The following KIFC2 variants were observed in gnomAD, a reference collection of about 807,000 sequenced individuals.
The protein encoded by KIFC2 is kinesin-like protein KIFC2.
In KIFC2, 94 loss-of-function variants were observed where a neutral mutation model predicts 91.5. The observed-to-expected ratio is 1.03, with a 90% CI of 0.87 to 1.22. The LOEUF (loss-of-function observed/expected upper bound fraction) is 1.22, where lower values mean the gene tolerates loss of function less well. Among genes scored for constraint, KIFC2 ranks in the 50% most tolerant of loss-of-function variants. KIFC2 has a pLI of 0.00. For synonymous variants in KIFC2, 729 were observed against 503.9 expected, an observed-to-expected ratio of 1.45 and a Z score of -5.98; for missense variants, 1,357 against 1,103.3, an observed-to-expected ratio of 1.23 and a Z score of -3.26.
Position 144,469,562 on chromosome 8 carries a change from G to A in KIFC2, c.1295G>A (p.Gly432Glu). The stretch of plus-strand genomic sequence containing the variant: ...CTTGTGAGTGTGGAGCCTGGCCCAG[G>A]GGGCACCGTCACCACCTGCTACCGG... ...SSLVSVEPGP[G>E]GTVTTCYRGR... The change falls in exon 12 of 18, where the codon GGG (glycine) becomes GAG (glutamate). Residue 432 changes from glycine to glutamate, a missense_variant. By Grantham distance (98) the Gly-to-Glu change is moderately conservative (BLOSUM62 -2). Transcript: ENST00000645548. 6.2e-7 allele frequency: 1 copy of A among 1,613,666 alleles called. No homozygotes were observed. Among genetic ancestry groups the A allele is most frequent in the Non-Finnish European group, 8.5e-7 (1 of 1,179,974 alleles).
In KIFC2 at chr8:144,473,312, C is replaced by T. The variant is rs748837513; in HGVS notation, c.2299C>T (p.Pro767Ser). Reference sequence around the variant, plus strand: ...GACCCCCTGCACCCCTACGCCGTCCCCTGGCAGTCCTCCATGCCCCAGTCC... The same window carrying T: ...GACCCCCTGCACCCCTACGCCGTCCTCTGGCAGTCCTCCATGCCCCAGTCC... ...TGTPCTPTPS[P>S]GSPPCPSPDN... The change falls in exon 18 of 18, where the codon CCT (proline) becomes TCT (serine). Residue 767 changes from proline to serine, a missense_variant. Physicochemically the swap from Pro to Ser is moderately conservative, Grantham distance 74. Transcript: ENST00000645548. The T allele has an allele frequency of 2.6e-5, 41 of 1,602,958 alleles. No homozygotes were observed. Among genetic ancestry groups the T allele is most frequent in the Non-Finnish European group, 3.2e-5 (38 of 1,176,190 alleles).
chr8:144,467,412 GA>G (rs1352119920), intron 4 of KIFC2, 71 bp downstream of exon 4: 1 of 1,544,050 alleles, frequency 6.5e-7, no homozygotes, highest in African/African-American at 1.4e-5. Flanking sequence ...GGGCGGCCTG[GA>G]GTTCGGGGTC....
Position 144,466,997 on chromosome 8 carries a change from G to C in KIFC2, c.217G>C (p.Glu73Gln). 1 of 1,597,424 alleles carries C rather than the reference G, an allele frequency of 6.3e-7. No homozygotes were observed. Reference protein sequence around the residue: ...EPEDGSEGAAEGRAAAVSLEE... With the variant: ...EPEDGSEGAAQGRAAAVSLEE... ...TGAGGATGGGTCGGAAGGCGCAGCC[G>C]AGGGCCGCGCGGCCGCGGTGTCCCT... Residue 73 changes from glutamate (E) to glutamine (Q), a missense_variant, in exon 3 of 18, where the codon GAG becomes CAG. Glu to Gln is a conservative substitution (Grantham distance 29, BLOSUM62 2). Transcript: ENST00000645548.
rs1824639299 is a variant in KIFC2, at chr8:144,466,448, A to G, written c.29A>G (p.Tyr10Cys). 5 of 1,362,818 alleles carry G rather than the reference A, an allele frequency of 3.7e-6. No homozygotes were observed. Among genetic ancestry groups the G allele is most frequent in the East Asian group, 3.4e-5 (1 of 29,396 alleles). The allele number at this position is 1,362,818 out of a possible 1,614,324, so 84.4% of individuals were successfully genotyped here. MYAFYSLLI[Y>C]IFYSLFRRDG... ...TACGCCTTTTACTCGTTGCTCATCTACATCTTCTACAGCCTCTTCCGCAGG... is the reference window on the plus strand; with the variant it reads ...TACGCCTTTTACTCGTTGCTCATCTGCATCTTCTACAGCCTCTTCCGCAGG... The change falls in exon 1 of 18, where the codon TAC (tyrosine) becomes TGC (cysteine). Residue 10 changes from tyrosine (Y) to cysteine (C), a missense_variant. Coordinates refer to ENST00000645548, the MANE Select transcript of KIFC2 (RefSeq NM_001369769.2).
Position 144,467,934 on chromosome 8 carries a change from A to C in KIFC2, c.757A>C (p.Met253Leu), listed in dbSNP as rs775189259. Residue 253 changes from methionine to leucine, a missense_variant, in exon 7 of 18, where the codon ATG becomes CTG. Coordinates refer to ENST00000645548, the MANE Select transcript of KIFC2 (RefSeq NM_001369769.2). ...GGCCCTGAAGCAGAGCCTGAGTCTC[A>C]TGCGGGACCTCCTGCTGCACTGGGG... Reference protein sequence around the residue: ...NEALKQSLSLMRDLLLHWGPG... With the variant: ...NEALKQSLSLLRDLLLHWGPG... The C allele has an allele frequency of 7.5e-6, 12 of 1,608,458 alleles. No homozygotes were observed. Among genetic ancestry groups the C allele is most frequent in the Middle Eastern group, 3.3e-4 (2 of 6,030 alleles).
rs1586726820 is a variant in KIFC2 at position 144,473,933 on chromosome 8, T to G, written c.*544T>G. 1 of 435,058 alleles carries G rather than the reference T, an allele frequency of 2.3e-6. No homozygotes were observed. The highest frequency in any genetic ancestry group is 4.1e-6 in the Non-Finnish European group (1 of 244,358). The allele number at this position is 435,058 out of a possible 1,614,324, so 26.9% of individuals were successfully genotyped here. A position where few individuals can be genotyped will look rare whatever the true frequency, so the allele number is the denominator to read the frequency against. On this transcript the variant is annotated 3_prime_UTR_variant, in exon 18 of 18. Transcript: ENST00000645548. ...GCACGGGAGGGGAGGTGACGGCTGGTGACTGATGGATGGGTAGTGGGCTGA... is the reference window on the plus strand; with the variant it reads ...GCACGGGAGGGGAGGTGACGGCTGGGGACTGATGGATGGGTAGTGGGCTGA...
At chr8:144,471,539 C>T (rs1308964841) in intron 12 of KIFC2, among the ~76,000 whole-genome samples, 6 of 152,086 alleles carry the variant, frequency 3.9e-5, no homozygotes, top group South Asian at 2.1e-4. Flanking sequence ...TCTCAAACTC[C>T]GGAGCTCAAC....
In KIFC2 at chr8:144,474,085, TG is replaced by T; in HGVS notation, c.*700del. The T allele has an allele frequency of 1.6e-6, 1 of 634,086 alleles. No homozygotes were observed. The highest frequency in any genetic ancestry group is 2.0e-5 in the South Asian group (1 of 50,556). The allele number at this position is 634,086 out of a possible 1,614,324, so 39.3% of individuals were successfully genotyped here. A position where few individuals can be genotyped will look rare whatever the true frequency, so the allele number is the denominator to read the frequency against. ...TGCCCAGCTGGGCCACGGCCATGCG[TG>T]GGGTGGCCCAATAAACACCGTGGAC... On this transcript the variant is annotated 3_prime_UTR_variant, in exon 18 of 18. Transcript: ENST00000645548.
chr8:144,473,866 C>A lies in KIFC2; in HGVS notation c.*477C>A, dbSNP rs1359662923. On this transcript the variant is annotated 3_prime_UTR_variant, in exon 18 of 18. Coordinates refer to ENST00000645548, the MANE Select transcript of KIFC2 (RefSeq NM_001369769.2). Reference sequence around the variant, plus strand: ...AGACAGATGAGAGAGGGCAGGACTTCAGGCTGGATCCACCACTGGGCTCTC... The same window carrying A: ...AGACAGATGAGAGAGGGCAGGACTTAAGGCTGGATCCACCACTGGGCTCTC... The A allele has an allele frequency of 5.0e-6, 2 of 397,342 alleles. No individual in the cohort carries two copies. Among genetic ancestry groups the A allele is most frequent in the Non-Finnish European group, 4.5e-6 (1 of 221,298 alleles). The allele number at this position is 397,342 out of a possible 1,614,324, so 24.6% of individuals were successfully genotyped here.
In KIFC2 at chr8:144,467,813, A is replaced by C. The variant is rs772795984; in HGVS notation, c.681+34A>C. The C allele has an allele frequency of 4.3e-6, 7 of 1,613,422 alleles. No homozygotes were observed. The South Asian group carries it at 6.6e-5, about 15-fold the overall frequency. ...GCAGGGAGACCTGGCAGGGCCGGGC[A>C]TGGAGGGGGTGCTTCAGGTGAGTGC... On this transcript the variant is annotated intron_variant, in intron 6 of 17. Transcript: ENST00000645548.
rs772448489 is a variant in KIFC2, at chr8:144,467,294, T to C, written c.422T>C (p.Leu141Pro). 1.5e-5 allele frequency: 25 copies of C among 1,613,048 alleles called. No individual in the cohort carries two copies. Among genetic ancestry groups the C allele is most frequent in the Admixed American group, 3.3e-5 (2 of 59,956 alleles). The change falls in exon 4 of 18, where the codon CTC becomes CCC. Residue 141 changes from leucine (L) to proline (P), a missense_variant. Coordinates refer to ENST00000645548, the MANE Select transcript of KIFC2 (RefSeq NM_001369769.2). ...AGCCCCAGGGGGAGGCAGGCCCTGC[T>C]CCAGGGGACTCAGCCAGCCCCTCGG... is the stretch of plus-strand genomic sequence containing the variant. ...LRSPRGRQALLQGTQPAPRVR... is the reference protein window; with the variant it reads ...LRSPRGRQALPQGTQPAPRVR...
chr8:144,472,015 A>G lies in KIFC2; in HGVS notation c.1454A>G (p.Gln485Arg), dbSNP rs1824946578. The G allele has an allele frequency of 6.2e-7, 1 of 1,613,546 alleles. No individual in the cohort carries two copies. The highest frequency in any genetic ancestry group is 8.5e-7 in the Non-Finnish European group (1 of 1,180,032). ...GYSVCIFTYG[Q>R]TGTGKTYSME... ...AGCGTCTGCATCTTCACCTATGGCC[A>G]GACAGGCACCGGGAAGACCTACAGC... Residue 485 changes from glutamine (Q) to arginine (R), a missense_variant, in exon 13 of 18, where the codon CAG (glutamine) becomes CGG (arginine). Gln to Arg is a conservative substitution (Grantham distance 43). Transcript: ENST00000645548.
At position 144,468,720 on chromosome 8, in the gene KIFC2, T is replaced by C. The variant is rs779536335; in HGVS notation, c.1004-5T>C. On this transcript the variant is annotated splice_region_variant and splice_polypyrimidine_tract_variant and intron_variant, in intron 9 of 17. Transcript: ENST00000645548. ...CCTTCCCTTCCAACAGACTTCCCTC[T>C]CCAGGACTTCGGGCACGGATGGCCA... 12 of 1,613,878 alleles carry C rather than the reference T, an allele frequency of 7.4e-6. No individual in the cohort carries two copies. The African/African-American group carries it at 1.2e-4, about 16-fold the overall frequency.
rs1824998231 is a variant in KIFC2, at chr8:144,473,020, G to A, written c.2087G>A (p.Gly696Asp). The stretch of plus-strand genomic sequence containing the variant: ...ACGCGACTGCTGCAGCCGGCGCTGG[G>A]CCCAGGCACCACCGCGGTGCTGCTG... ...QLTRLLQPAL[G>D]PGTTAVLLLQ... is the part of the protein sequence containing the mutation. Residue 696 changes from glycine to aspartate, a missense_variant, in exon 17 of 18, where the codon GGC becomes GAC. Transcript: ENST00000645548. 2 of 1,418,996 alleles carry A rather than the reference G, an allele frequency of 1.4e-6. No homozygotes were observed. The highest frequency in any genetic ancestry group is 1.8e-6 in the Non-Finnish European group (2 of 1,094,416). 87.9% of individuals were successfully genotyped at this position (1,418,996 alleles called of 1,614,324 possible).
rs752321797 is a variant in KIFC2 at position 144,467,707 on chromosome 8, TC to T, written c.616-3del. ...AGGTCCACCCTGTCTCTCTTACTTCTCCCCAGCTGGAGGAGCTGAAGCAGCA... is the reference window on the plus strand; with the variant it reads ...AGGTCCACCCTGTCTCTCTTACTTCTCCCAGCTGGAGGAGCTGAAGCAGCA... On this transcript the variant is annotated splice_polypyrimidine_tract_variant and splice_region_variant and intron_variant, in intron 5 of 17. Transcript: ENST00000645548. The T allele has an allele frequency of 3.1e-6, 5 of 1,613,430 alleles. No individual in the cohort carries two copies. The South Asian group carries it at 4.4e-5, about 14-fold the overall frequency.
intron 12 of KIFC2, among the ~76,000 whole-genome samples, chr8:144,469,932 G>A (rs1486228868): frequency 6.6e-6 from 1 of 152,252 alleles, no homozygotes; most frequent in African/African-American, 2.4e-5. Flanking sequence ...CCCAAGGCAG[G>A]CGGTGGGTGG....
chr8:144,472,713 C>T lies in KIFC2; in HGVS notation c.1861+7C>T, dbSNP rs777065502. 1.9e-6 allele frequency: 3 copies of T among 1,593,086 alleles called. No homozygotes were observed. The highest frequency in any genetic ancestry group is 2.2e-5 in the South Asian group (2 of 90,724). ...CGCGCTCCAGGCACCGCAGGTACCA[C>T]GGCCGGTGCCTGAGCCCTGCGGAGT... On this transcript the variant is annotated splice_region_variant and intron_variant, in intron 16 of 17. Transcript: ENST00000645548.
At position 144,468,718 on chromosome 8, in the gene KIFC2, T is replaced by G; in HGVS notation, c.1004-7T>G. The G allele has an allele frequency of 6.2e-7, 1 of 1,613,926 alleles. No individual in the cohort carries two copies. The highest frequency in any genetic ancestry group is 8.5e-7 in the Non-Finnish European group (1 of 1,179,946). ...GGCCTTCCCTTCCAACAGACTTCCCTCTCCAGGACTTCGGGCACGGATGGC... is the reference window on the plus strand; with the variant it reads ...GGCCTTCCCTTCCAACAGACTTCCCGCTCCAGGACTTCGGGCACGGATGGC... On this transcript the variant is annotated splice_region_variant and splice_polypyrimidine_tract_variant and intron_variant, in intron 9 of 17. Transcript: ENST00000645548.
In KIFC2 at chr8:144,472,261, T is replaced by C; in HGVS notation, c.1607+2T>C. ...GGAGATCTACAATGAGGCTGTCAGGTGGGCTACTCCACCAGGGAGGCCTTC... is the reference window on the plus strand; with the variant it reads ...GGAGATCTACAATGAGGCTGTCAGGCGGGCTACTCCACCAGGGAGGCCTTC... On this transcript the variant is annotated splice_donor_variant, in intron 14 of 17. Transcript: ENST00000645548. LOFTEE classifies it high-confidence loss of function. The C allele has an allele frequency of 6.2e-7, 1 of 1,613,286 alleles. No homozygotes were observed.
Sources: allele counts gnomAD v4.1 joint callset (sites outside exome capture counted in the v4.1 genomes callset), GRCh38; gene constraint gnomAD v4.1.1; transcripts MANE v1.5; gene names NCBI Gene and HGNC (gene_info 2026-07-23, HGNC 2026-07-21).